The following AFG2A variants were observed in gnomAD, a reference collection of about 807,000 sequenced individuals.
AFG2A encodes AAA ATPase AFG2A.
At chr4:123,115,315 C>T in the AFG2A span, among the ~76,000 whole-genome samples, 6 of 152,168 alleles carry the variant, frequency 3.9e-5, no homozygotes, top group Admixed American at 3.9e-4. Context: ...GTCACTCCGA[C>T]GTGGGGTGGA....
the AFG2A span, among the ~76,000 whole-genome samples, chr4:123,080,232 G>A: frequency 2.0e-5 from 3 of 152,216 alleles, no homozygotes; most frequent in South Asian, 2.1e-4. Flanking sequence ...GATGGGATTA[G>A]TGCCTTTATA....
chr4:122,980,608 C>T, the AFG2A span, among the ~76,000 whole-genome samples: 1 of 152,240 alleles, frequency 6.6e-6, no homozygotes, highest in East Asian at 1.9e-4. Context: ...CTTTACATTC[C>T]CACCAACAGT....
the AFG2A span, among the ~76,000 whole-genome samples, chr4:123,209,615 G>T: frequency 2.5e-5 from 3 of 120,700 alleles, no homozygotes; most frequent in East Asian, 2.5e-4. Context: ...TTTTGAGATA[G>T]GTTTCACTGT....
the AFG2A span, among the ~76,000 whole-genome samples, chr4:123,031,909 G>A: frequency 6.6e-6 from 1 of 152,194 alleles, no homozygotes; most frequent in Non-Finnish European, 1.5e-5. Context: ...GTGTTTTTGT[G>A]TAGATTGTGA....
chr4:122,988,810 T>A, the AFG2A span, among the ~76,000 whole-genome samples: 1 of 152,212 alleles, frequency 6.6e-6, no homozygotes, highest in African/African-American at 2.4e-5. Flanking sequence ...CTTTTTTCAC[T>A]CTTCATTCTT....
chr4:123,079,709 G>A, the AFG2A span, among the ~76,000 whole-genome samples: 1 of 142,462 alleles, frequency 7.0e-6, no homozygotes, highest in African/African-American at 2.6e-5. Flanking sequence ...GAAAATATTT[G>A]ACACAGTTAA....
the AFG2A span, among the ~76,000 whole-genome samples, chr4:123,032,816 A>G: frequency 6.6e-6 from 1 of 152,256 alleles, no homozygotes; most frequent in East Asian, 1.9e-4. Context: ...CATTGTGATC[A>G]TGAGTGTACA....
chr4:123,024,030 G>A, the AFG2A span, among the ~76,000 whole-genome samples: 1 of 151,688 alleles, frequency 6.6e-6, no homozygotes, highest in African/African-American at 2.4e-5. Flanking sequence ...TGAGAATTCT[G>A]TAGTCATCAG....
At chr4:123,270,473 G>A in the AFG2A span, among the ~76,000 whole-genome samples, 1 of 152,136 alleles carries the variant, frequency 6.6e-6, no homozygotes, top group Non-Finnish European at 1.5e-5. Flanking sequence ...TGATTTGCAA[G>A]GCTTAGAAAT....
chr4:123,049,509 A>C, the AFG2A span, among the ~76,000 whole-genome samples: 4 of 151,946 alleles, frequency 2.6e-5, no homozygotes, highest in African/African-American at 7.2e-5. Context: ...GAGACTTTTT[A>C]TTGCTTCAAT....
At chr4:123,172,867 G>A in the AFG2A span, among the ~76,000 whole-genome samples, 67 of 152,170 alleles carry the variant, frequency 4.4e-4, no homozygotes, top group Middle Eastern at 3.4e-3. Flanking sequence ...TAAAATTTGG[G>A]ACTCATTATG....
chr4:123,034,946 T>A, the AFG2A span, among the ~76,000 whole-genome samples: 1 of 152,138 alleles, frequency 6.6e-6, no homozygotes, highest in Admixed American at 6.6e-5. Context: ...ATGAAGAAGA[T>A]TGTGGATTTC....
At chr4:123,184,532 C>CTTTTTT in the AFG2A span, among the ~76,000 whole-genome samples, 3,834 of 89,168 alleles carry the variant, frequency 0.043, 468 homozygotes, top group African/African-American at 0.12. Context: ...ATGATCATTT[C>CTTTTTT]TTTTTTTTTT....
At chr4:122,924,701 G>A in the AFG2A span, among the ~76,000 whole-genome samples, 1 of 152,096 alleles carries the variant, frequency 6.6e-6, no homozygotes, top group South Asian at 2.1e-4. Context: ...TCTCTTCAGT[G>A]TCAGATTTAT....
the AFG2A span, among the ~76,000 whole-genome samples, chr4:123,040,151 A>G: frequency 6.6e-6 from 1 of 152,036 alleles, no homozygotes; most frequent in Non-Finnish European, 1.5e-5. Context: ...TTGTTATTGG[A>G]CATGTACGCT....
At chr4:123,164,394 C>T in the AFG2A span, among the ~76,000 whole-genome samples, 3 of 152,140 alleles carry the variant, frequency 2.0e-5, no homozygotes, top group Non-Finnish European at 2.9e-5. Context: ...GACAGAGTCT[C>T]GCCCTGTCAC....
chr4:123,261,190 C>T, the AFG2A span, among the ~76,000 whole-genome samples: 3 of 152,260 alleles, frequency 2.0e-5, 1 homozygote, highest in Admixed American at 2.0e-4. Context: ...ACTTTTCCTG[C>T]CTAATCAGAA....
the AFG2A span, among the ~76,000 whole-genome samples, chr4:123,127,370 C>T: frequency 6.6e-6 from 1 of 152,078 alleles, no homozygotes; most frequent in Admixed American, 6.5e-5. Flanking sequence ...TTCACATCAG[C>T]AGAGGGCAGT....
chr4:123,211,697 A>G, the AFG2A span, among the ~76,000 whole-genome samples: 4 of 152,144 alleles, frequency 2.6e-5, no homozygotes, highest in Non-Finnish European at 5.9e-5. Flanking sequence ...CTAGAGTCCT[A>G]ACGAGTAGTG....
Sources: allele counts gnomAD v4.1 joint callset (sites outside exome capture counted in the v4.1 genomes callset), GRCh38; gene constraint gnomAD v4.1.1; transcripts MANE v1.5; gene names NCBI Gene and HGNC (gene_info 2026-07-23, HGNC 2026-07-21).